Variants in UVRAG observed in about 807,000 individuals in gnomAD.
UVRAG encodes the protein UV radiation resistance associated.
In UVRAG, 19 loss-of-function variants were observed where a neutral mutation model predicts 78.0. The observed-to-expected ratio is 0.24, with a 90% CI of 0.17 to 0.36. The LOEUF (loss-of-function observed/expected upper bound fraction) is 0.36. Ranked by LOEUF, UVRAG falls within the 10% of genes least tolerant of loss-of-function variation. The probability of loss-of-function intolerance (pLI) is 1.00; values close to 1 mark genes in which losing one functional copy is unlikely to be tolerated. For synonymous variants in UVRAG, 323 were observed against 324.6 expected (o/e 1.00, Z 0.05); for missense variants, 740 against 853.8 (o/e 0.87, Z 1.66).
Position 76,081,214 on chromosome 11 carries a change from C to CT in UVRAG, c.1305+15437dup, listed in dbSNP as rs1305350101. 2.4e-3 allele frequency among the ~76,000 whole-genome samples: 351 copies of CT among 146,634 alleles called. 4 individuals carry two copies. Among genetic ancestry groups the CT allele is most frequent in the East Asian group, 0.013 (65 of 5,060 alleles). On this transcript the variant is annotated intron_variant, in intron 13 of 14. Coordinates refer to ENST00000356136, the MANE Select transcript of UVRAG (RefSeq NM_003369.4). ...ACTGTAACATTGAGCCAGTCTCTCT[C>CT]TTTTTTTTTTTGAGATGGTCTCGCT... is the stretch of plus-strand genomic sequence containing the variant.
chr11:76,038,792 G>A (rs1051794983), intron 12 of UVRAG, among the ~76,000 whole-genome samples: 2 of 152,240 alleles, frequency 1.3e-5, no homozygotes, highest in African/African-American at 4.8e-5. Context: ...AGGGAGCCAT[G>A]TGGCTAGGAC....
intron 1 of UVRAG, among the ~76,000 whole-genome samples, chr11:75,829,217 A>G (rs903019189): frequency 1.2e-4 from 18 of 152,196 alleles, no homozygotes; most frequent in African/African-American, 4.1e-4. Context: ...CTGGGACTAT[A>G]GATGTGTGCG....
chr11:75,875,422 T>C (rs1216237288), intron 3 of UVRAG, among the ~76,000 whole-genome samples: 3 of 152,232 alleles, frequency 2.0e-5, no homozygotes, highest in Non-Finnish European at 2.9e-5. Flanking sequence ...CTGATATGGT[T>C]TTATTTATCT....
intron 3 of UVRAG, among the ~76,000 whole-genome samples, chr11:75,866,433 T>C (rs1209003860): frequency 1.3e-5 from 2 of 151,860 alleles, no homozygotes; most frequent in Non-Finnish European, 2.9e-5. Context: ...TGTAGTTCCC[T>C]GCTAGCTGGG....
At chr11:76,066,732 A>G (rs1371478914) in intron 13 of UVRAG, among the ~76,000 whole-genome samples, 2 of 152,152 alleles carry the variant, frequency 1.3e-5, no homozygotes, top group Admixed American at 6.5e-5. Flanking sequence ...CAGCCTCCCA[A>G]AGTGCTGGGA....
chr11:76,128,425 T>C (rs1339365808), intron 14 of UVRAG, among the ~76,000 whole-genome samples: 1 of 152,208 alleles, frequency 6.6e-6, no homozygotes, highest in Non-Finnish European at 1.5e-5. Flanking sequence ...TGGGGGCCAC[T>C]GCTTTAGCAT....
chr11:75,971,756 G>T (rs1469526695), intron 7 of UVRAG, among the ~76,000 whole-genome samples: 2 of 151,980 alleles, frequency 1.3e-5, no homozygotes, highest in South Asian at 2.1e-4. Context: ...CACGATCCTG[G>T]TTCACTGAAA....
In UVRAG at chr11:76,140,952, C is replaced by A. The variant is rs1952710917; in HGVS notation, c.1639C>A (p.Leu547Ile). The A allele has an allele frequency of 6.2e-7, 1 of 1,614,178 alleles. No homozygotes were observed. Residue 547 changes from leucine to isoleucine, a missense_variant, in exon 15 of 15, where the codon CTA (leucine) becomes ATA (isoleucine). By Grantham distance (5) the Leu-to-Ile change is conservative (BLOSUM62 2). Coordinates refer to ENST00000356136, the MANE Select transcript of UVRAG (RefSeq NM_003369.4). ...MGETERKITS[L>I]SSSLDTSLDF... ...AGAGACCGAGAGAAAGATAACATCT[C>A]TATCCTCCTCCTTGGATACCTCCTT...
chr11:75,816,063 G>A (rs892616976), intron 1 of UVRAG, among the ~76,000 whole-genome samples: 1 of 152,242 alleles, frequency 6.6e-6, no homozygotes, highest in African/African-American at 2.4e-5. Context: ...CCTCTTTAGA[G>A]AAATGTATTC....
chr11:75,966,833 T>G (rs1470314995), intron 7 of UVRAG, among the ~76,000 whole-genome samples: 1 of 152,162 alleles, frequency 6.6e-6, no homozygotes, highest in Middle Eastern at 3.2e-3. Context: ...GTGTAGTTCT[T>G]TTACTCTTAG....
At chr11:76,001,013 A>C (rs1949803636) in intron 8 of UVRAG, among the ~76,000 whole-genome samples, 1 of 152,240 alleles carries the variant, frequency 6.6e-6, no homozygotes, top group South Asian at 2.1e-4. Context: ...CCTAATTGAT[A>C]GCATACCACT....
At chr11:76,092,320 C>A (rs1324299548) in intron 13 of UVRAG, among the ~76,000 whole-genome samples, 5 of 152,176 alleles carry the variant, frequency 3.3e-5, no homozygotes, top group Non-Finnish European at 4.4e-5. Flanking sequence ...GCCTTTATAG[C>A]AGCATGATTT....
intron 2 of UVRAG, among the ~76,000 whole-genome samples, chr11:75,860,557 T>A (rs1406010898): frequency 6.6e-6 from 1 of 152,212 alleles, no homozygotes; most frequent in East Asian, 1.9e-4. Flanking sequence ...TATATGTATA[T>A]GTATACATAA....
At chr11:76,028,788 C>G (rs759635067) in intron 12 of UVRAG, among the ~76,000 whole-genome samples, 13 of 152,068 alleles carry the variant, frequency 8.5e-5, no homozygotes, top group African/African-American at 2.7e-4. Context: ...GAAGCCATCC[C>G]TAGAACACAG....
At position 75,983,396 on chromosome 11, in the gene UVRAG, A is replaced by AG; in HGVS notation, c.710dup (p.Ser237ArgfsTer2). ...GATTTTATTTATTTAGAAAAAAAAA[A>AG]GTGAATGCCTGCAGTTAAAAATTTT... On this transcript the variant is annotated frameshift_variant, in exon 8 of 15. Coordinates refer to ENST00000356136, the MANE Select transcript of UVRAG (RefSeq NM_003369.4). LOFTEE classifies it high-confidence loss of function. 6.3e-7 allele frequency: 1 copy of AG among 1,590,114 alleles called. No individual in the cohort carries two copies. The highest frequency in any genetic ancestry group is 8.5e-7 in the Non-Finnish European group (1 of 1,170,024).
At chr11:76,007,942 C>G (rs1414194657) in intron 10 of UVRAG, among the ~76,000 whole-genome samples, 1 of 151,772 alleles carries the variant, frequency 6.6e-6, no homozygotes, top group African/African-American at 2.4e-5. Flanking sequence ...GAGTTTCGCT[C>G]TGTCACCCAG....
intron 12 of UVRAG, among the ~76,000 whole-genome samples, chr11:76,052,388 C>G (rs952302871): frequency 4.6e-5 from 7 of 152,190 alleles, no homozygotes; most frequent in African/African-American, 1.4e-4. Flanking sequence ...CCTCTTTCAC[C>G]TCAGGACATG....
chr11:76,135,267 T>C (rs866361630), intron 14 of UVRAG, among the ~76,000 whole-genome samples: 13 of 152,330 alleles, frequency 8.5e-5, no homozygotes, highest in African/African-American at 2.4e-4. Context: ...TCCAGGTCTT[T>C]GAACAGTCCT....
At chr11:76,060,765 C>T (rs952926991) in intron 12 of UVRAG, among the ~76,000 whole-genome samples, 1 of 152,230 alleles carries the variant, frequency 6.6e-6, no homozygotes, top group African/African-American at 2.4e-5. Flanking sequence ...ACCGGCGCTG[C>T]ACTCGATTTC....
Sources: allele counts gnomAD v4.1 joint callset (sites outside exome capture counted in the v4.1 genomes callset), GRCh38; gene constraint gnomAD v4.1.1; transcripts MANE v1.5; gene names NCBI Gene and HGNC (gene_info 2026-07-23, HGNC 2026-07-21).